Variants in LBR observed in about 807,000 individuals in gnomAD.
LBR encodes lamin B receptor, also known as delta(14)-sterol reductase LBR.
In LBR, 28 loss-of-function variants were observed where a neutral mutation model predicts 74.3. The observed-to-expected ratio is 0.38, with a 90% CI of 0.28 to 0.52. The LOEUF (loss-of-function observed/expected upper bound fraction) is 0.52. Among genes scored for constraint, LBR ranks in the 20% least tolerant of loss-of-function variants. The probability of loss-of-function intolerance (pLI) is 0.89; values close to 1 mark genes in which losing one functional copy is unlikely to be tolerated. For synonymous variants in LBR, 228 were observed against 269.3 expected (o/e 0.85, Z 1.50); for missense variants, 717 against 760.3 (o/e 0.94, Z 0.67).
Position 225,402,420 on chromosome 1 carries a change from A to C in LBR, c.*883T>G, listed in dbSNP as rs2096083412. ...TCTATTTGCAACAGTTTATAAAGGCAAACAAACACCTGCAATTGAGGTAGC... is the reference window on the plus strand; with the variant it reads ...TCTATTTGCAACAGTTTATAAAGGCCAACAAACACCTGCAATTGAGGTAGC... On this transcript the variant is annotated 3_prime_UTR_variant, in exon 14 of 14. Coordinates refer to ENST00000272163, the MANE Select transcript of LBR (RefSeq NM_002296.4). 1 of 152,438 alleles carries C rather than the reference A, an allele frequency of 6.6e-6. No individual in the cohort carries two copies. The highest frequency in any genetic ancestry group is 2.4e-5 in the African/African-American group (1 of 41,466). 9.4% of individuals were successfully genotyped at this position (152,438 alleles called of 1,614,324 possible). A position where few individuals can be genotyped will look rare whatever the true frequency, so the allele number is the denominator to read the frequency against.
chr1:225,418,908 C>T (rs2096122421), intron 5 of LBR, among the ~76,000 whole-genome samples: 1 of 152,220 alleles, frequency 6.6e-6, no homozygotes, highest in African/African-American at 2.4e-5. Context: ...TCAGGTCTGA[C>T]TATTAGCAGA....
intron 1 of LBR, among the ~76,000 whole-genome samples, chr1:225,426,755 C>G (rs1657012579): frequency 6.6e-6 from 1 of 152,202 alleles, no homozygotes; most frequent in Non-Finnish European, 1.5e-5. Context: ...GAACCCCGGG[C>G]CTTGCTCCGC....
chr1:225,411,287 T>C (rs780747312), intron 9 of LBR, 50 bp downstream of exon 9: 2 of 1,287,864 alleles, frequency 1.6e-6, no homozygotes, highest in South Asian at 2.4e-5. Flanking sequence ...TTTCTAGCAG[T>C]TAATTAGACC....
chr1:225,415,340 GAAAAA>G lies in LBR; in HGVS notation c.838-13_838-9del. The G allele has an allele frequency of 3.2e-6, 5 of 1,547,816 alleles. No homozygotes were observed. Among genetic ancestry groups the G allele is most frequent in the Non-Finnish European group, 4.4e-6 (5 of 1,125,272 alleles). ...AGGCGTTCCTTCTACAACCTTAAAA[GAAAAA>G]AAATTTACAAATTTACTAAGCACAT... On this transcript the variant is annotated splice_polypyrimidine_tract_variant and intron_variant, in intron 6 of 13. Coordinates refer to ENST00000272163, the MANE Select transcript of LBR (RefSeq NM_002296.4).
chr1:225,404,578 T>C (rs773127715), intron 12 of LBR, 48 bp downstream of exon 12: 4 of 1,564,880 alleles, frequency 2.6e-6, no homozygotes, highest in African/African-American at 2.8e-5. Context: ...AAAAGAAAAA[T>C]AAAACCTTCA....
At chr1:225,427,521 T>G (rs899231432) in intron 1 of LBR, 1 of 150,354 alleles carries the variant, frequency 6.7e-6, no homozygotes, top group Non-Finnish European at 1.5e-5. Flanking sequence ...GTCAGCCTCC[T>G]ACTGCAGGAC....
intron 5 of LBR, 64 bp from the exon 6 acceptor site, chr1:225,418,244 T>G: frequency 1.3e-6 from 2 of 1,491,782 alleles, no homozygotes; most frequent in Non-Finnish European, 1.8e-6. Flanking sequence ...TTAAGAATCA[T>G]GTTAGATTTG....
chr1:225,410,843 G>A (rs1158686297), intron 9 of LBR, among the ~76,000 whole-genome samples: 4 of 152,200 alleles, frequency 2.6e-5, no homozygotes, highest in Non-Finnish European at 5.9e-5. Context: ...GGACAACAGC[G>A]GAAAAACTGG....
chr1:225,424,170 A>C, intron 1 of LBR, 81 bp from the exon 2 acceptor site: 1 of 1,072,846 alleles, frequency 9.3e-7, no homozygotes, highest in Non-Finnish European at 1.4e-6. Flanking sequence ...TGATCACTAA[A>C]ATACAACTTT....
chr1:225,428,375 C>T (rs1168648803), upstream of LBR, among the ~76,000 whole-genome samples: 2 of 152,224 alleles, frequency 1.3e-5, no homozygotes, highest in Non-Finnish European at 2.9e-5. Context: ...GCGCTCCCGC[C>T]CTTTCCCTCC....
chr1:225,406,593 A>G lies in LBR; in HGVS notation c.1483+71T>C. ...TCAAAATGGCATGTTTCAAGTATGTAGACAGCAGGGCATAAAAGCCTCAGT... is the reference window on the plus strand; with the variant it reads ...TCAAAATGGCATGTTTCAAGTATGTGGACAGCAGGGCATAAAAGCCTCAGT... On this transcript the variant is annotated intron_variant, in intron 11 of 13. Transcript: ENST00000272163. 5 of 1,342,142 alleles carry G rather than the reference A, an allele frequency of 3.7e-6. No individual in the cohort carries two copies. The South Asian group carries it at 6.3e-5, about 17-fold the overall frequency. 83.1% of individuals were successfully genotyped at this position (1,342,142 alleles called of 1,614,324 possible).
In LBR at chr1:225,411,422, A is replaced by C; in HGVS notation, c.1103T>G (p.Phe368Cys). 5.6e-6 allele frequency: 9 copies of C among 1,613,634 alleles called. No individual in the cohort carries two copies. The highest frequency in any genetic ancestry group is 7.6e-6 in the Non-Finnish European group (9 of 1,179,468). The change falls in exon 9 of 14, where the codon TTC (phenylalanine) becomes TGC (cysteine). Residue 368 changes from phenylalanine to cysteine, a missense_variant. Transcript: ENST00000272163. ...PASSGNAVYD[F>C]FIGRELNPRI... The stretch of plus-strand genomic sequence containing the variant: ...AGGGTTTAATTCACGGCCAATGAAG[A>C]AATCATAGACAGCATTTCCTGAGAA...
chr1:225,409,235 C>T (rs1042575038), intron 10 of LBR, among the ~76,000 whole-genome samples: 9 of 152,348 alleles, frequency 5.9e-5, no homozygotes, highest in Non-Finnish European at 1.3e-4. Context: ...AGGAGCGCAA[C>T]AGGAACCCGT....
rs1215691620 is a variant in LBR, at chr1:225,422,114, C to G, written c.329G>C (p.Arg110Thr). 1.2e-6 allele frequency: 2 copies of G among 1,614,032 alleles called. No individual in the cohort carries two copies. Among genetic ancestry groups the G allele is most frequent in the Non-Finnish European group, 1.7e-6 (2 of 1,180,044 alleles). Reference sequence around the variant, plus strand: ...AGTCAATTTAACTTCCACTTCCCTCCTTGCTTCCTTAATGTCGGCCTGGTG... The same window carrying G: ...AGTCAATTTAACTTCCACTTCCCTCGTTGCTTCCTTAATGTCGGCCTGGTG... ...ASHQADIKEA[R>T]REVEVKLTPL... is the part of the protein sequence containing the mutation. Residue 110 changes from arginine (R) to threonine (T), a missense_variant, in exon 3 of 14, where the codon AGG becomes ACG. Physicochemically the swap from Arg to Thr is moderately conservative, Grantham distance 71 (BLOSUM62 -1). Coordinates refer to ENST00000272163, the MANE Select transcript of LBR (RefSeq NM_002296.4).
intron 11 of LBR, 146 bp downstream of exon 11, chr1:225,406,518 T>A (rs1027747987): frequency 4.3e-6 from 3 of 693,528 alleles, no homozygotes; most frequent in African/African-American, 3.6e-5. Context: ...AAAATGCAGA[T>A]TTTTTATTAC....
rs767725959 is a variant in LBR, at chr1:225,406,849, G to A, written c.1315-17C>T. ...CAACGCTTCCTATAAGGATACAGAC[G>A]GGGAAAGGGAGAAGGAGCTTCTGTG... On this transcript the variant is annotated splice_polypyrimidine_tract_variant and intron_variant, in intron 10 of 13. Coordinates refer to ENST00000272163, the MANE Select transcript of LBR (RefSeq NM_002296.4). The A allele has an allele frequency of 8.2e-5, 133 of 1,612,590 alleles. No individual in the cohort carries two copies. Among genetic ancestry groups the A allele is most frequent in the Middle Eastern group, 5.0e-4 (3 of 6,060 alleles).
intron 10 of LBR, among the ~76,000 whole-genome samples, chr1:225,407,967 T>C (rs1363546477): frequency 6.6e-6 from 1 of 152,184 alleles, no homozygotes; most frequent in Non-Finnish European, 1.5e-5. Context: ...GCAATACATG[T>C]AATATATAGT....
intron 10 of LBR, 33 bp downstream of exon 10, chr1:225,410,258 G>C (rs1223318317): frequency 6.2e-7 from 1 of 1,612,678 alleles, no homozygotes; most frequent in African/African-American, 1.3e-5. Flanking sequence ...AAAGCCATCT[G>C]ACTCCAAGGC....
At chr1:225,408,889 C>T (rs2096098316) in intron 10 of LBR, among the ~76,000 whole-genome samples, 1 of 152,198 alleles carries the variant, frequency 6.6e-6, no homozygotes. Flanking sequence ...ACAACCACAA[C>T]ATGGCAGAAA....
Sources: gnomAD v4.1 joint callset for allele counts (sites outside exome capture counted in the v4.1 genomes callset) on GRCh38, gnomAD v4.1.1 for gene constraint, MANE v1.5 for transcripts, NCBI Gene and HGNC (gene_info 2026-07-23, HGNC 2026-07-21) for gene names.